CACNB2: variants seen among roughly 807,000 people sequenced by gnomAD.
The protein encoded by CACNB2 is calcium voltage-gated channel auxiliary subunit beta 2.
A neutral mutation model predicts 73.3 loss-of-function variants in CACNB2; 42 were observed. That is an observed-to-expected ratio of 0.57 (90% confidence interval 0.45 to 0.74). CACNB2 has a LOEUF of 0.74. Among genes scored for constraint, CACNB2 ranks in the 30% least tolerant of loss-of-function variants. CACNB2 has a pLI of 0.00. For synonymous variants in CACNB2, 348 were observed against 310.3 expected, an observed-to-expected ratio of 1.12 and a Z score of -1.28; for missense variants, 940 against 853.0, an observed-to-expected ratio of 1.10 and a Z score of -1.27.
chr10:18,346,156 T>C (rs574962199), intron 2 of CACNB2, among the ~76,000 whole-genome samples: 3 of 152,178 alleles, frequency 2.0e-5, no homozygotes, highest in Non-Finnish European at 2.9e-5. Context: ...TTTTATTTGT[T>C]TGAGGTGGAG....
At position 18,539,428 on chromosome 10, in the gene CACNB2, C is replaced by G. The variant is rs760811952; in HGVS notation, c.1687C>G (p.Arg563Gly). The change falls in exon 14 of 14, where the codon CGA (arginine) becomes GGA (glycine). Residue 563 changes from arginine to glycine, a missense_variant. Physicochemically the swap from Arg to Gly is moderately radical, Grantham distance 125. Coordinates refer to ENST00000324631, the MANE Select transcript of CACNB2 (RefSeq NM_201596.3). Reference protein sequence around the residue: ...ETFDSETQESRDSAYVEPKED... With the variant: ...ETFDSETQESGDSAYVEPKED... Reference sequence around the variant, plus strand: ...ATTTGACTCGGAAACCCAGGAGAGTCGAGACTCTGCCTACGTAGAGCCAAA... The same window carrying G: ...ATTTGACTCGGAAACCCAGGAGAGTGGAGACTCTGCCTACGTAGAGCCAAA... 36 of 1,613,828 alleles carry G rather than the reference C, an allele frequency of 2.2e-5. No individual in the cohort carries two copies. Among genetic ancestry groups the G allele is most frequent in the African/African-American group, 2.7e-5 (2 of 74,860 alleles).
intron 3 of CACNB2, among the ~76,000 whole-genome samples, chr10:18,412,810 G>A (rs570785655): frequency 4.9e-4 from 75 of 152,178 alleles, no homozygotes; most frequent in Non-Finnish European, 7.9e-4. Flanking sequence ...CATGTCATTG[G>A]TTTCCAGACT....
intron 3 of CACNB2, among the ~76,000 whole-genome samples, chr10:18,421,128 T>A (rs2045297406): frequency 6.6e-6 from 1 of 152,202 alleles, no homozygotes; most frequent in South Asian, 2.1e-4. Context: ...TTAGCCCTTG[T>A]TAACTCTGGT....
chr10:18,228,261 T>C (rs1262914076), intron 2 of CACNB2, among the ~76,000 whole-genome samples: 2 of 150,870 alleles, frequency 1.3e-5, no homozygotes, highest in Non-Finnish European at 3.0e-5. Flanking sequence ...TTGTCTCTAC[T>C]AAAAAAAATA....
At chr10:18,177,599 GAAGA>G (rs1044685989) in intron 2 of CACNB2, among the ~76,000 whole-genome samples, 9 of 151,286 alleles carry the variant, frequency 5.9e-5, no homozygotes, top group Non-Finnish European at 1.2e-4. Context: ...AGAAGAAGAA[GAAGA>G]AAGAAAGAAA....
chr10:18,506,428 G>A (rs761446897), intron 5 of CACNB2, 43 bp from the exon 6 acceptor site: 132 of 1,020,294 alleles, frequency 1.3e-4, no homozygotes, highest in Admixed American at 1.2e-4. Context: ...TTGAGGATGC[G>A]AAATAAGTGT....
chr10:18,447,286 T>G (rs1358448600), intron 3 of CACNB2, among the ~76,000 whole-genome samples: 1 of 152,128 alleles, frequency 6.6e-6, no homozygotes, highest in Non-Finnish European at 1.5e-5. Flanking sequence ...AGACCGTGTA[T>G]TTGGAAGCAT....
chr10:18,506,594 T>C, intron 6 of CACNB2, 47 bp downstream of exon 6: 1 of 1,167,400 alleles, frequency 8.6e-7, no homozygotes, highest in Non-Finnish European at 1.3e-6. Flanking sequence ...ATTTCATGCT[T>C]TCCCCAGCTC....
chr10:18,408,728 C>T (rs11819196), intron 3 of CACNB2, among the ~76,000 whole-genome samples: 38,603 of 151,914 alleles, frequency 0.25, 5,410 homozygotes, highest in East Asian at 0.62. Context: ...TGCTGGATCA[C>T]GTGTCATCAG....
intron 2 of CACNB2, among the ~76,000 whole-genome samples, chr10:18,194,274 G>T (rs924415893): frequency 6.6e-6 from 1 of 152,110 alleles, no homozygotes. Flanking sequence ...GTTAATGAAT[G>T]ACGGTGAAAA....
chr10:18,283,700 A>T lies in CACNB2; in HGVS notation c.214-118224A>T, dbSNP rs1419306173. Among the ~76,000 whole-genome samples, 3 of 151,936 alleles carry T rather than the reference A, an allele frequency of 2.0e-5. No individual in the cohort carries two copies. In the East Asian group the frequency reaches 5.8e-4, roughly 29 times the overall value. ...TGGGGGAGGGGGGAGGGATGGCATT[A>T]GGAGATATACCTAATGTAAATGACG... is the stretch of plus-strand genomic sequence containing the variant. On this transcript the variant is annotated intron_variant, in intron 2 of 13. Transcript: ENST00000324631.
In CACNB2 at chr10:18,528,049, GAAATA is replaced by G. The variant is rs536953833; in HGVS notation, c.1054+359_1054+363del. Among the ~76,000 whole-genome samples, 906 of 152,182 alleles carry G rather than the reference GAAATA, an allele frequency of 6.0e-3. 11 individuals carry two copies. The highest frequency in any genetic ancestry group is 0.021 in the African/African-American group (852 of 41,510). On this transcript the variant is annotated intron_variant, in intron 10 of 13. Coordinates refer to ENST00000324631, the MANE Select transcript of CACNB2 (RefSeq NM_201596.3). ...GCCTCCATTTCCTCATCCTAAAAAA[GAAATA>G]AAATAACTACCTCATAGAATCATTG...
chr10:18,345,575 T>G (rs2041415382), intron 2 of CACNB2, among the ~76,000 whole-genome samples: 1 of 152,160 alleles, frequency 6.6e-6, no homozygotes, highest in African/African-American at 2.4e-5. Context: ...CTTCTTTCTT[T>G]CCTATTAAAC....
chr10:18,236,521 C>A (rs2036452682), intron 2 of CACNB2, among the ~76,000 whole-genome samples: 1 of 152,200 alleles, frequency 6.6e-6, no homozygotes, highest in African/African-American at 2.4e-5. Context: ...GTAGGCCCCC[C>A]AAGAGCAAGG....
chr10:18,222,269 A>G (rs1246904829), intron 2 of CACNB2, among the ~76,000 whole-genome samples: 1 of 152,226 alleles, frequency 6.6e-6, no homozygotes, highest in Non-Finnish European at 1.5e-5. Flanking sequence ...GTTTTCTTTT[A>G]TGACCCCATT....
intron 2 of CACNB2, among the ~76,000 whole-genome samples, chr10:18,359,761 AC>A (rs111965393): frequency 1.4e-4 from 19 of 140,426 alleles, no homozygotes. Flanking sequence ...CTAGCCCCCC[AC>A]CCCCCAGCAG....
intron 5 of CACNB2, among the ~76,000 whole-genome samples, chr10:18,503,344 C>T (rs1173784987): frequency 1.3e-5 from 2 of 152,160 alleles, no homozygotes; most frequent in Admixed American, 1.3e-4. Flanking sequence ...TGCCTGTAAT[C>T]CCAGCACTTT....
intron 2 of CACNB2, among the ~76,000 whole-genome samples, chr10:18,203,785 TA>T (rs1384505142): frequency 2.6e-5 from 4 of 151,160 alleles, no homozygotes; most frequent in Admixed American, 6.6e-5. Context: ...GTTGTTGGAA[TA>T]AAAAAAAAGA....
chr10:18,414,065 T>C (rs1235803972), intron 3 of CACNB2, among the ~76,000 whole-genome samples: 1 of 152,244 alleles, frequency 6.6e-6, no homozygotes, highest in East Asian at 1.9e-4. Context: ...GTAAGGTAGA[T>C]TTGAGATGTC....
Sources: allele counts gnomAD v4.1 joint callset (sites outside exome capture counted in the v4.1 genomes callset), GRCh38; gene constraint gnomAD v4.1.1; transcripts MANE v1.5; gene names NCBI Gene and HGNC (gene_info 2026-07-23, HGNC 2026-07-21).